The following SLC1A2 variants were observed in gnomAD, a reference collection of about 807,000 sequenced individuals.
SLC1A2 encodes the protein excitatory amino acid transporter 2.
SLC1A2 carries 15 observed loss-of-function variants against 48.8 expected under a neutral mutation model. The ratio of observed to expected loss-of-function variants is 0.31; its 90% CI spans 0.21 to 0.47. The LOEUF (loss-of-function observed/expected upper bound fraction) is 0.47, where lower values mean the gene tolerates loss of function less well. Ranked by LOEUF, SLC1A2 falls within the 20% of genes least tolerant of loss-of-function variation. The pLI is 0.99. For missense variants in SLC1A2, 502 were observed against 730.5 expected, an observed-to-expected ratio of 0.69 and a Z score of 3.61; for synonymous variants, 279 against 272.6, an observed-to-expected ratio of 1.02 and a Z score of -0.23.
intron 1 of SLC1A2, among the ~76,000 whole-genome samples, chr11:35,329,990 G>T (rs1319529029): frequency 5.3e-5 from 8 of 152,186 alleles, no homozygotes; most frequent in African/African-American, 9.7e-5. Flanking sequence ...AAAACTGGAG[G>T]TCAGAGAGAG....
intron 1 of SLC1A2, among the ~76,000 whole-genome samples, chr11:35,384,455 C>A (rs925284444): frequency 6.6e-6 from 1 of 152,170 alleles, no homozygotes; most frequent in African/African-American, 2.4e-5. Flanking sequence ...CCTACTCCTT[C>A]TTGAATAAGG....
chr11:35,260,649 C>A lies in SLC1A2; in HGVS notation c.*245G>T. ...CTTCAATTCCAACTGATTCCTCCAG[C>A]AGCATCCATTCAAATAATAATACAA... On this transcript the variant is annotated 3_prime_UTR_variant, in exon 11 of 11. Transcript: ENST00000278379. 2.1e-6 allele frequency: 1 copy of A among 473,676 alleles called. No individual in the cohort carries two copies. The highest frequency in any genetic ancestry group is 3.8e-6 in the Non-Finnish European group (1 of 262,514). The allele number at this position is 473,676 out of a possible 1,614,324, so 29.3% of individuals were successfully genotyped here. A position where few individuals can be genotyped will look rare whatever the true frequency, so the allele number is the denominator to read the frequency against.
chr11:35,383,944 A>G (rs1395200725), intron 1 of SLC1A2, among the ~76,000 whole-genome samples: 1 of 152,152 alleles, frequency 6.6e-6, no homozygotes, highest in Non-Finnish European at 1.5e-5. Context: ...TGCTGAACGG[A>G]TGGCAATTGT....
At chr11:35,287,251 T>C (rs1850850915) in intron 7 of SLC1A2, among the ~76,000 whole-genome samples, 1 of 151,140 alleles carries the variant, frequency 6.6e-6, no homozygotes, top group African/African-American at 2.4e-5. Context: ...GATTCGATAT[T>C]GAAGTGCATC....
intron 4 of SLC1A2, chr11:35,307,388 T>A (rs541399651): frequency 6.6e-6 from 1 of 152,344 alleles, no homozygotes; most frequent in Admixed American, 6.5e-5. Flanking sequence ...AGTGTCTCTG[T>A]CAGATGACTC....
chr11:35,288,625 T>C (rs1850900737), intron 7 of SLC1A2, among the ~76,000 whole-genome samples: 2 of 152,248 alleles, frequency 1.3e-5, no homozygotes, highest in Non-Finnish European at 2.9e-5. Flanking sequence ...TTTATGTTTA[T>C]TATTGCATTC....
chr11:35,347,781 C>T (rs147281328), intron 1 of SLC1A2, among the ~76,000 whole-genome samples: 338 of 152,274 alleles, frequency 2.2e-3, no homozygotes, highest in African/African-American at 7.7e-3. Context: ...CCATGTTGCC[C>T]AGGCTGGTCT....
intron 1 of SLC1A2, among the ~76,000 whole-genome samples, chr11:35,356,042 T>C (rs991048166): frequency 1.1e-4 from 16 of 152,146 alleles, no homozygotes; most frequent in African/African-American, 3.4e-4. Flanking sequence ...AAAATAATTA[T>C]GTGAAATACA....
chr11:35,344,706 C>A (rs1370705909), intron 1 of SLC1A2, among the ~76,000 whole-genome samples: 1 of 152,184 alleles, frequency 6.6e-6, no homozygotes, highest in Admixed American at 6.5e-5. Context: ...AGAAGGCCAA[C>A]CTCCCTCTTC....
At chr11:35,328,963 C>T (rs1475000533) in intron 1 of SLC1A2, among the ~76,000 whole-genome samples, 1 of 152,198 alleles carries the variant, frequency 6.6e-6, no homozygotes, top group Admixed American at 6.5e-5. Flanking sequence ...ATATTTATAG[C>T]AGCTTTATTT....
In SLC1A2 at chr11:35,254,906, C is replaced by T. The variant is rs1950293042; in HGVS notation, c.*5988G>A. On this transcript the variant is annotated 3_prime_UTR_variant, in exon 11 of 11. Transcript: ENST00000278379. Reference sequence around the variant, plus strand: ...AGGCTGGACATAGAAAAAAACTGATCAGTAGTTATTCAGGATATTATTTAG... The same window carrying T: ...AGGCTGGACATAGAAAAAAACTGATTAGTAGTTATTCAGGATATTATTTAG... 1 of 418,502 alleles carries T rather than the reference C, an allele frequency of 2.4e-6. No homozygotes were observed. Among genetic ancestry groups the T allele is most frequent in the Non-Finnish European group, 4.7e-6 (1 of 212,734 alleles). The allele number at this position is 418,502 out of a possible 1,614,324, so 25.9% of individuals were successfully genotyped here. A position where few individuals can be genotyped will look rare whatever the true frequency, so the allele number is the denominator to read the frequency against.
intron 1 of SLC1A2, among the ~76,000 whole-genome samples, chr11:35,381,085 A>G (rs35890685): frequency 2.0e-5 from 3 of 152,190 alleles, no homozygotes; most frequent in Non-Finnish European, 2.9e-5. Flanking sequence ...CAGTAGCCAC[A>G]TATATTTTCC....
At chr11:35,292,589 G>A in intron 6 of SLC1A2, 69 bp from the exon 7 acceptor site, 1 of 877,760 alleles carries the variant, frequency 1.1e-6, no homozygotes, top group Non-Finnish European at 1.8e-6. Flanking sequence ...GGCCTCCTCT[G>A]TACCGCACAC....
intron 1 of SLC1A2, among the ~76,000 whole-genome samples, chr11:35,393,136 G>A (rs1010219469): frequency 6.6e-6 from 1 of 152,132 alleles, no homozygotes; most frequent in Non-Finnish European, 1.5e-5. Flanking sequence ...TTGGTGCCAG[G>A]TGTCCCATGT....
intron 4 of SLC1A2, among the ~76,000 whole-genome samples, chr11:35,307,656 G>T (rs1217839605): frequency 6.6e-6 from 1 of 152,226 alleles, no homozygotes; most frequent in South Asian, 2.1e-4. Flanking sequence ...TGGACGTCAT[G>T]GAGTTATGGG....
rs770810828 is a variant in SLC1A2 at position 35,286,994 on chromosome 11, TA to T, written c.1092-44del. On this transcript the variant is annotated intron_variant, in intron 7 of 10. Transcript: ENST00000278379. ...GAGAGAGACAGGGTTATGTCCACTTTAGAGAAGCAGGACAATGCATAAACTG... is the reference window on the plus strand; with the variant it reads ...GAGAGAGACAGGGTTATGTCCACTTTGAGAAGCAGGACAATGCATAAACTG... 1.3e-5 allele frequency: 20 copies of T among 1,515,696 alleles called. 1 individual carries two copies. The South Asian group carries it at 2.3e-4, about 17-fold the overall frequency. The allele number at this position is 1,515,696 out of a possible 1,614,324, so 93.9% of individuals were successfully genotyped here.
At chr11:35,310,321 C>T (rs16927304) in intron 4 of SLC1A2, among the ~76,000 whole-genome samples, 7,868 of 152,270 alleles carry the variant, frequency 0.052, 272 homozygotes, top group African/African-American at 0.099. Flanking sequence ...AGCACCCAAT[C>T]GTGTCTCTCA....
In SLC1A2 at chr11:35,419,000, T is replaced by A; in HGVS notation, c.-34A>T. The A allele has an allele frequency of 6.4e-7, 1 of 1,551,256 alleles. No individual in the cohort carries two copies. Among genetic ancestry groups the A allele is most frequent in the Non-Finnish European group, 8.7e-7 (1 of 1,145,924 alleles). ...GAACGCCCCCTCCTCTTCAGCACTA[T>A]CCGGCAGCTGTGGGCGAGGGAGAAA... On this transcript the variant is annotated 5_prime_UTR_variant, in exon 1 of 11. Transcript: ENST00000278379.
In SLC1A2 at chr11:35,290,551, C is replaced by T. The variant is rs186209594; in HGVS notation, c.1091+1736G>A. On this transcript the variant is annotated intron_variant, in intron 7 of 10. Transcript: ENST00000278379. ...CTGGGTGATAGAATAATTGGCAAAGCTCATTTTCTTCTTCAAAATTGTATT... is the reference window on the plus strand; with the variant it reads ...CTGGGTGATAGAATAATTGGCAAAGTTCATTTTCTTCTTCAAAATTGTATT... Among the ~76,000 whole-genome samples, 67 of 152,100 alleles carry T rather than the reference C, an allele frequency of 4.4e-4. 2 individuals carry two copies. Among genetic ancestry groups the T allele is most frequent in the Admixed American group, 3.5e-3 (54 of 15,270 alleles).
Sources: allele counts gnomAD v4.1 joint callset (sites outside exome capture counted in the v4.1 genomes callset), GRCh38; gene constraint gnomAD v4.1.1; transcripts MANE v1.5; gene names NCBI Gene and HGNC (gene_info 2026-07-23, HGNC 2026-07-21).